MKLN1: variants seen among roughly 807,000 people sequenced by gnomAD.
MKLN1 encodes the protein muskelin 1, also known as muskelin.
MKLN1 carries 18 observed loss-of-function variants against 99.0 expected under a neutral mutation model. The ratio of observed to expected loss-of-function variants is 0.18; its 90% CI spans 0.13 to 0.27. The LOEUF is 0.27. Among genes scored for constraint, MKLN1 ranks in the 10% least tolerant of loss-of-function variants. MKLN1 has a pLI of 1.00. For synonymous variants in MKLN1, 288 were observed against 293.2 expected (o/e 0.98, Z 0.18); for missense variants, 621 against 875.9 (o/e 0.71, Z 3.67).
chr7:131,300,733 T>C (rs1798366146), intron 3 of MKLN1, among the ~76,000 whole-genome samples: 1 of 150,474 alleles, frequency 6.6e-6, no homozygotes, highest in African/African-American at 2.4e-5. Context: ...ATGTGGAATC[T>C]CTAGAGCGTG....
chr7:131,200,269 T>C (rs1796707873), intron 2 of MKLN1, among the ~76,000 whole-genome samples: 1 of 152,242 alleles, frequency 6.6e-6, no homozygotes, highest in African/African-American at 2.4e-5. Flanking sequence ...TATTTAATTA[T>C]TTCTTTATGA....
chr7:131,472,164 G>T (rs905888214), intron 16 of MKLN1: 4 of 152,216 alleles, frequency 2.6e-5, no homozygotes, highest in African/African-American at 9.7e-5. Context: ...TAGTTGTGAA[G>T]AGTCCATTAA....
chr7:131,298,766 A>G (rs577507200), intron 3 of MKLN1, among the ~76,000 whole-genome samples: 1 of 151,744 alleles, frequency 6.6e-6, no homozygotes, highest in Non-Finnish European at 1.5e-5. Flanking sequence ...TGGACTACCC[A>G]CTCTAGTTTG....
At chr7:131,478,562 C>T in intron 16 of MKLN1, 61 bp from the exon 17 acceptor site, 1 of 1,441,786 alleles carries the variant, frequency 6.9e-7, no homozygotes. Flanking sequence ...GGCTATTTTC[C>T]TTCAGTGCAC....
At chr7:131,247,753 T>C (rs1488101798) in intron 3 of MKLN1, among the ~76,000 whole-genome samples, 1 of 152,250 alleles carries the variant, frequency 6.6e-6, no homozygotes, top group African/African-American at 2.4e-5. Context: ...GTAGAAGTTA[T>C]TAGACTAGTA....
At chr7:131,142,405 C>T (rs919330962) in intron 1 of MKLN1, among the ~76,000 whole-genome samples, 80 of 121,942 alleles carry the variant, frequency 6.6e-4, no homozygotes, top group Middle Eastern at 5.3e-3. Context: ...AGCGAGACTC[C>T]ATTTCAAAAA....
chr7:131,137,649 A>G (rs1371497176), intron 1 of MKLN1, among the ~76,000 whole-genome samples: 2 of 152,100 alleles, frequency 1.3e-5, no homozygotes, highest in East Asian at 3.9e-4. Flanking sequence ...ATCTCGGCTC[A>G]CTGCAACCTC....
intron 8 of MKLN1, among the ~76,000 whole-genome samples, 190 bp downstream of exon 8, chr7:131,414,900 T>A (rs2116346271): frequency 6.6e-6 from 1 of 152,096 alleles, no homozygotes; most frequent in South Asian, 2.1e-4. Context: ...CTAGTTTATA[T>A]GTGTTGTATT....
chr7:131,156,384 C>T (rs180764729), intron 2 of MKLN1, among the ~76,000 whole-genome samples: 8 of 133,096 alleles, frequency 6.0e-5, no homozygotes, highest in Admixed American at 9.0e-5. Context: ...AAAAATTAGC[C>T]GGGCGTGGAG....
intron 2 of MKLN1, among the ~76,000 whole-genome samples, chr7:131,202,481 C>T (rs1280999685): frequency 3.9e-5 from 6 of 151,982 alleles, no homozygotes; most frequent in Non-Finnish European, 7.4e-5. Context: ...AGGCTGGCCT[C>T]GAATGCATAG....
At chr7:131,333,005 A>G (rs1444825555) in intron 1 of MKLN1, among the ~76,000 whole-genome samples, 2 of 151,634 alleles carry the variant, frequency 1.3e-5, no homozygotes, top group Non-Finnish European at 2.9e-5. Flanking sequence ...CTCACTGCAA[A>G]CTCTGCCTCC....
intron 7 of MKLN1, among the ~76,000 whole-genome samples, chr7:131,412,036 G>C (rs567824570): frequency 6.6e-6 from 1 of 151,482 alleles, no homozygotes; most frequent in African/African-American, 2.4e-5. Flanking sequence ...GCAGTCAGCC[G>C]TGTTCATACC....
chr7:131,432,882 CATAAG>C (rs1182133628), intron 9 of MKLN1, among the ~76,000 whole-genome samples: 2 of 152,138 alleles, frequency 1.3e-5, no homozygotes, highest in East Asian at 1.9e-4. Context: ...CACATATACT[CATAAG>C]AGAATAAGAG....
intron 12 of MKLN1, among the ~76,000 whole-genome samples, chr7:131,450,586 T>A (rs1355154691): frequency 6.6e-6 from 1 of 152,210 alleles, no homozygotes; most frequent in Admixed American, 6.5e-5. Flanking sequence ...TCTGTACTCT[T>A]CTTGCCACCA....
intron 2 of MKLN1, among the ~76,000 whole-genome samples, chr7:131,173,780 G>T (rs1412591446): frequency 6.6e-6 from 1 of 151,836 alleles, no homozygotes; most frequent in Non-Finnish European, 1.5e-5. Flanking sequence ...GCTGCTCCAC[G>T]AGGAGCAGCT....
At chr7:131,259,038 C>G (rs1170229241) in intron 3 of MKLN1, among the ~76,000 whole-genome samples, 1 of 152,140 alleles carries the variant, frequency 6.6e-6, no homozygotes, top group Non-Finnish European at 1.5e-5. Flanking sequence ...CAATGATTCG[C>G]TGTACAGACT....
chr7:131,367,661 T>A (rs1019173790), intron 1 of MKLN1, among the ~76,000 whole-genome samples: 1 of 152,208 alleles, frequency 6.6e-6, no homozygotes, highest in Non-Finnish European at 1.5e-5. Context: ...CTGCCTTATT[T>A]CTCTTTTATT....
At chr7:131,276,607 G>C (rs1187785484) in intron 3 of MKLN1, among the ~76,000 whole-genome samples, 1 of 152,204 alleles carries the variant, frequency 6.6e-6, no homozygotes, top group East Asian at 1.9e-4. Context: ...TGATGTTTCA[G>C]ATAATAGTGG....
At chr7:131,420,831 C>G (rs1795169938) in intron 8 of MKLN1, among the ~76,000 whole-genome samples, 1 of 152,088 alleles carries the variant, frequency 6.6e-6, no homozygotes. Context: ...TAGATGTGCA[C>G]TAAATATTTG....
Sources: allele counts gnomAD v4.1 joint callset (sites outside exome capture counted in the v4.1 genomes callset), GRCh38; gene constraint gnomAD v4.1.1; transcripts MANE v1.5; gene names NCBI Gene and HGNC (gene_info 2026-07-23, HGNC 2026-07-21).